Variants in TMEM63A observed in about 807,000 individuals in gnomAD.
The protein encoded by TMEM63A is mechanosensitive cation channel TMEM63A.
A neutral mutation model predicts 100.6 loss-of-function variants in TMEM63A; 76 were observed. The observed-to-expected ratio is 0.76, with a 90% CI of 0.63 to 0.91. TMEM63A has a LOEUF of 0.91. TMEM63A is among the 40% of genes least tolerant of loss of function. The pLI is 0.00. For synonymous variants in TMEM63A, 401 were observed against 401.1 expected (o/e 1.00, Z 0.00); for missense variants, 876 against 1,008.8 (o/e 0.87, Z 1.78).
downstream of TMEM63A, chr1:225,845,329 G>A (rs4149230): frequency 3.0e-5 from 49 of 1,610,824 alleles, no homozygotes; most frequent in Non-Finnish European, 3.7e-5. Flanking sequence ...AGTTCCTGTC[G>A]GTGCTGGAGC....
chr1:225,874,672 C>T (rs193299777), intron 3 of TMEM63A, among the ~76,000 whole-genome samples: 4 of 152,366 alleles, frequency 2.6e-5, no homozygotes, highest in East Asian at 1.9e-4. Context: ...CTCAAGGCAG[C>T]GGTAACACCA....
chr1:225,845,278 G>A (rs45550332), downstream of TMEM63A: 4,948 of 1,613,426 alleles, frequency 3.1e-3, 134 homozygotes, highest in African/African-American at 0.054. Context: ...GCCACTTTGC[G>A]GCCTTTGAGG....
At chr1:225,845,325 T>C, downstream of TMEM63A, 2 of 1,611,626 alleles carry the variant, frequency 1.2e-6, no homozygotes, top group Non-Finnish European at 8.5e-7. Flanking sequence ...CGCAAGTTCC[T>C]GTCGGTGCTG....
At chr1:225,876,816 T>G (rs1477383552) in intron 3 of TMEM63A, among the ~76,000 whole-genome samples, 2 of 151,962 alleles carry the variant, frequency 1.3e-5, no homozygotes, top group Non-Finnish European at 2.9e-5. Context: ...CCCGGCTAAT[T>G]TTTTGTATTT....
chr1:225,877,631 G>A, intron 2 of TMEM63A, 37 bp from the exon 3 acceptor site: 1 of 1,559,474 alleles, frequency 6.4e-7, no homozygotes, highest in Non-Finnish European at 8.7e-7. Flanking sequence ...CAGACGTTCA[G>A]GGCTCAAATT....
At chr1:225,844,125 G>GGT (rs1163450070), downstream of TMEM63A, among the ~76,000 whole-genome samples, 1 of 152,116 alleles carries the variant, frequency 6.6e-6, no homozygotes, top group Non-Finnish European at 1.5e-5. Flanking sequence ...ATTAAAAGAA[G>GGT]GTAAGGAGCT....
intron 4 of TMEM63A, among the ~76,000 whole-genome samples, chr1:225,872,614 G>GAGT (rs1356720506): frequency 6.6e-6 from 1 of 151,526 alleles, no homozygotes; most frequent in Non-Finnish European, 1.5e-5. Flanking sequence ...CCTTTCTTGC[G>GAGT]AGTACCCCCA....
chr1:225,843,193 G>A (rs1668578072), downstream of TMEM63A, among the ~76,000 whole-genome samples: 1 of 143,712 alleles, frequency 7.0e-6, no homozygotes. Flanking sequence ...AGGACTGTGA[G>A]AGTCCAGTGG....
chr1:225,851,880 C>G (rs769222649), intron 20 of TMEM63A, among the ~76,000 whole-genome samples: 1 of 152,214 alleles, frequency 6.6e-6, no homozygotes, highest in Non-Finnish European at 1.5e-5. Context: ...TGGCCAGGAC[C>G]TTGGTCTTTA....
At chr1:225,869,940 C>T (rs367943643) in intron 6 of TMEM63A, among the ~76,000 whole-genome samples, 21 of 152,006 alleles carry the variant, frequency 1.4e-4, no homozygotes, top group South Asian at 6.2e-4. Context: ...GGATTACAGG[C>T]GTCAGCCACC....
chr1:225,871,725 T>C (rs972289623), intron 5 of TMEM63A: 36 of 450,282 alleles, frequency 8.0e-5, no homozygotes, highest in African/African-American at 5.2e-4. Flanking sequence ...TACAAAGCCA[T>C]AGGTGTAAGA....
At chr1:225,872,349 C>A (rs1670551049) in intron 4 of TMEM63A, among the ~76,000 whole-genome samples, 1 of 152,132 alleles carries the variant, frequency 6.6e-6, no homozygotes, top group South Asian at 2.1e-4. Context: ...CAAAGTGTTG[C>A]CTATTTATAG....
At position 225,866,593 on chromosome 1, in the gene TMEM63A, T is replaced by G. The variant is rs1670224198; in HGVS notation, c.656A>C (p.Lys219Thr). Residue 219 changes from lysine to threonine, a missense_variant, in exon 9 of 25, where the codon AAG (lysine) becomes ACG (threonine). By Grantham distance (78) the Lys-to-Thr change is moderately conservative. Transcript: ENST00000366835. ...ACTCACCAGGTTCTCCTCTTTGTAC[T>G]TAATGGACTGAGTGTGGTGCCGCAT... ...GFMRHHTQSI[K>T]YKEENLVRRT... 1.2e-6 allele frequency: 2 copies of G among 1,613,996 alleles called. No individual in the cohort carries two copies. Among genetic ancestry groups the G allele is most frequent in the African/African-American group, 1.3e-5 (1 of 75,030 alleles).
downstream of TMEM63A, among the ~76,000 whole-genome samples, chr1:225,841,358 C>T (rs1349471770): frequency 6.6e-6 from 1 of 152,156 alleles, no homozygotes; most frequent in Non-Finnish European, 1.5e-5. Context: ...TCTCAGCTCA[C>T]TGCAACCTCC....
At chr1:225,869,229 A>T (rs1322412939) in intron 6 of TMEM63A, among the ~76,000 whole-genome samples, 1 of 152,204 alleles carries the variant, frequency 6.6e-6, no homozygotes, top group Non-Finnish European at 1.5e-5. Flanking sequence ...GCAGGGGCTC[A>T]AGAGATAATA....
chr1:225,842,927 T>C (rs1668551501), downstream of TMEM63A, among the ~76,000 whole-genome samples: 1 of 152,234 alleles, frequency 6.6e-6, no homozygotes, highest in African/African-American at 2.4e-5. Context: ...TCTACATGCC[T>C]GACTCCCAGC....
intron 13 of TMEM63A, 47 bp from the exon 14 acceptor site, chr1:225,861,044 C>A: frequency 6.4e-7 from 1 of 1,573,356 alleles, no homozygotes; most frequent in Non-Finnish European, 8.6e-7. Context: ...CTCAGGTTAC[C>A]AAGCACACAT....
rs374417606 is a variant in TMEM63A, at chr1:225,877,466, T to C, written c.115A>G (p.Ser39Gly). Reference protein sequence around the residue: ...DSYCYNSAKNSTVLQGVTFGG... With the variant: ...DSYCYNSAKNGTVLQGVTFGG... ...AAGGTGACCCCCTGGAGCACGGTGC[T>C]GTTTTTGGCCGAGTTGTAGCAATAG... is the stretch of plus-strand genomic sequence containing the variant. The change falls in exon 3 of 25, where the codon AGC becomes GGC. Residue 39 changes from serine (S) to glycine (G), a missense_variant. Ser to Gly is a moderately conservative substitution (Grantham distance 56, BLOSUM62 0). Around this residue, in one of 5 missense-constraint regions of TMEM63A, gnomAD observed 43 missense variants for 48.9 expected, o/e 0.88. Coordinates refer to ENST00000366835, the MANE Select transcript of TMEM63A (RefSeq NM_014698.3). The C allele has an allele frequency of 6.2e-7, 1 of 1,614,120 alleles. No homozygotes were observed. The highest frequency in any genetic ancestry group is 8.5e-7 in the Non-Finnish European group (1 of 1,179,948).
At chr1:225,873,735 G>A (rs1670637870) in intron 4 of TMEM63A, among the ~76,000 whole-genome samples, 1 of 152,234 alleles carries the variant, frequency 6.6e-6, no homozygotes, top group Non-Finnish European at 1.5e-5. Flanking sequence ...TGACCTGGCA[G>A]GAGGGTGGGG....
Sources: allele counts gnomAD v4.1 joint callset (sites outside exome capture counted in the v4.1 genomes callset), GRCh38; gene constraint gnomAD v4.1.1; regional missense constraint gnomAD v4.1.1; transcripts MANE v1.5; gene names NCBI Gene and HGNC (gene_info 2026-07-23, HGNC 2026-07-21).